Variants in EFCAB6 observed in about 807,000 individuals in gnomAD.
EFCAB6 encodes EF-hand calcium binding domain 6, also known as EF-hand calcium-binding domain-containing protein 6.
In EFCAB6, 156 loss-of-function variants were observed where a neutral mutation model predicts 169.8. That is an observed-to-expected ratio of 0.92 (90% CI 0.81 to 1.05). The LOEUF is 1.05. Ranked by LOEUF, EFCAB6 falls within the 50% of genes least tolerant of loss-of-function variation. EFCAB6 has a pLI of 0.00. For synonymous variants in EFCAB6, 698 were observed against 676.4 expected, an observed-to-expected ratio of 1.03 and a Z score of -0.50; for missense variants, 1,800 against 1,829.1, an observed-to-expected ratio of 0.98 and a Z score of 0.29.
intron 3 of EFCAB6, among the ~76,000 whole-genome samples, chr22:43,775,857 T>C (rs2061623626): frequency 6.6e-6 from 1 of 152,028 alleles, no homozygotes; most frequent in African/African-American, 2.4e-5. Flanking sequence ...TTAGCTGAGG[T>C]TCCAGGCAAC....
At chr22:43,797,642 G>A (rs1250277705) in intron 2 of EFCAB6, among the ~76,000 whole-genome samples, 3 of 151,910 alleles carry the variant, frequency 2.0e-5, no homozygotes, top group African/African-American at 7.3e-5. Flanking sequence ...CACCCCTACT[G>A]TGGTCCCTTC....
chr22:43,767,987 G>C (rs1417446140), intron 4 of EFCAB6, among the ~76,000 whole-genome samples: 1 of 152,234 alleles, frequency 6.6e-6, no homozygotes, highest in East Asian at 1.9e-4. Flanking sequence ...GGGTGGGGCT[G>C]GAGGAGGCTA....
intron 28 of EFCAB6, among the ~76,000 whole-genome samples, chr22:43,539,435 A>G (rs1422063579): frequency 1.3e-5 from 2 of 152,248 alleles, no homozygotes; most frequent in Admixed American, 1.3e-4. Context: ...GGTGTGCAAT[A>G]AACTTGCATG....
intron 23 of EFCAB6, among the ~76,000 whole-genome samples, chr22:43,594,559 A>G (rs1437169141): frequency 6.6e-6 from 1 of 152,220 alleles, no homozygotes; most frequent in Non-Finnish European, 1.5e-5. Flanking sequence ...TTATTAATAT[A>G]AAAGAATCAA....
chr22:43,572,500 T>A lies in EFCAB6; in HGVS notation c.3420+3797A>T, dbSNP rs929481350. Among the ~76,000 whole-genome samples the A allele has an allele frequency of 5.9e-5, 9 of 152,088 alleles. No individual in the cohort carries two copies. The highest frequency in any genetic ancestry group is 2.2e-4 in the African/African-American group (9 of 41,422). On this transcript the variant is annotated intron_variant, in intron 26 of 31. Transcript: ENST00000262726. The surrounding 1 kb of genome is among the most constrained non-coding windows in gnomAD (Gnocchi z 4.0). ...ATGTCACTCAGAGTCAAAGCCAAAG[T>A]CTTTACAAGGACCCCAAGCCTACGG...
chr22:43,548,095 C>A (rs2048167275), intron 27 of EFCAB6, among the ~76,000 whole-genome samples: 1 of 151,762 alleles, frequency 6.6e-6, no homozygotes, highest in Non-Finnish European at 1.5e-5. Flanking sequence ...GACTCCGTCT[C>A]AAAAATAAAT....
At chr22:43,621,487 A>C (rs879690063) in intron 20 of EFCAB6, among the ~76,000 whole-genome samples, 3 of 152,162 alleles carry the variant, frequency 2.0e-5, no homozygotes, top group Admixed American at 6.5e-5. Flanking sequence ...GGAAATTAGA[A>C]AATAATTTGA....
chr22:43,669,137 C>A, intron 15 of EFCAB6, 92 bp from the exon 16 acceptor site: 1 of 1,171,328 alleles, frequency 8.5e-7, no homozygotes, highest in Non-Finnish European at 1.1e-6. Flanking sequence ...ATGAAAGTAA[C>A]TACAACTTTC....
intron 28 of EFCAB6, among the ~76,000 whole-genome samples, chr22:43,539,829 C>T (rs2047591714): frequency 6.6e-6 from 1 of 152,248 alleles, no homozygotes; most frequent in African/African-American, 2.4e-5. Flanking sequence ...GGCAGCACCA[C>T]TGCACTGCGG....
intron 12 of EFCAB6, 29 bp from the exon 13 acceptor site, chr22:43,678,192 T>A: frequency 1.3e-6 from 2 of 1,552,688 alleles, no homozygotes; most frequent in Non-Finnish European, 1.7e-6. Flanking sequence ...ATAAGGGAAT[T>A]TTTGAAAAAA....
chr22:43,651,392 T>C (rs994514027), intron 17 of EFCAB6, among the ~76,000 whole-genome samples: 5 of 152,238 alleles, frequency 3.3e-5, no homozygotes, highest in African/African-American at 4.8e-5. Flanking sequence ...AAGTCAAGAA[T>C]TGAGGTTTGG....
At chr22:43,711,754 C>A (rs932167810) in intron 9 of EFCAB6, 131 bp from the exon 10 acceptor site, 3 of 1,067,684 alleles carry the variant, frequency 2.8e-6, no homozygotes, top group African/African-American at 1.7e-5. Context: ...GTTACTATGG[C>A]ATGTACTGAA....
At chr22:43,783,408 T>A (rs1406268611) in intron 2 of EFCAB6, among the ~76,000 whole-genome samples, 1 of 152,154 alleles carries the variant, frequency 6.6e-6, no homozygotes, top group Non-Finnish European at 1.5e-5. Flanking sequence ...AGGAAAGACC[T>A]GAGAAGGCCC....
chr22:43,758,915 C>T (rs1415410776), intron 5 of EFCAB6, among the ~76,000 whole-genome samples: 1 of 152,154 alleles, frequency 6.6e-6, no homozygotes, highest in Non-Finnish European at 1.5e-5. Context: ...TGTTTTGCAA[C>T]AGGCTTTTAA....
chr22:43,716,794 T>A (rs940369033), intron 9 of EFCAB6, 54 bp downstream of exon 9: 7 of 1,552,036 alleles, frequency 4.5e-6, no homozygotes, highest in African/African-American at 1.4e-5. Flanking sequence ...TTCCATATTG[T>A]CTACTTTGCT....
chr22:43,621,807 G>C (rs546534019), intron 20 of EFCAB6, among the ~76,000 whole-genome samples: 1 of 152,084 alleles, frequency 6.6e-6, no homozygotes, highest in Non-Finnish European at 1.5e-5. Context: ...TGATGAAGAA[G>C]AAAGGAGAAA....
intron 17 of EFCAB6, among the ~76,000 whole-genome samples, chr22:43,644,656 T>A (rs559700676): frequency 6.6e-6 from 1 of 152,260 alleles, no homozygotes; most frequent in African/African-American, 2.4e-5. Flanking sequence ...AAAATGTTCA[T>A]GTTTTCTTTT....
intron 12 of EFCAB6, among the ~76,000 whole-genome samples, chr22:43,679,267 G>A (rs1164070820): frequency 6.6e-6 from 1 of 152,110 alleles, no homozygotes; most frequent in Non-Finnish European, 1.5e-5. Context: ...TCCTGCATCT[G>A]GCTTCTTTCT....
intron 24 of EFCAB6, among the ~76,000 whole-genome samples, chr22:43,582,802 C>A (rs1335409402): frequency 6.6e-6 from 1 of 151,968 alleles, no homozygotes; most frequent in Non-Finnish European, 1.5e-5. Context: ...ACCTGAAGGT[C>A]AAAAATATTG....
Sources: gnomAD v4.1 joint callset for allele counts (sites outside exome capture counted in the v4.1 genomes callset) on GRCh38, gnomAD v4.1.1 for gene constraint, Gnocchi (gnomAD v3.1) non-coding constraint, MANE v1.5 for transcripts, NCBI Gene and HGNC (gene_info 2026-07-23, HGNC 2026-07-21) for gene names.